NOS1AP: variants seen among roughly 807,000 people sequenced by gnomAD.
NOS1AP encodes the protein carboxyl-terminal PDZ ligand of neuronal nitric oxide synthase protein.
A neutral mutation model predicts 56.2 loss-of-function variants in NOS1AP; 21 were observed. That is an observed-to-expected ratio of 0.37 (90% CI 0.26 to 0.54). The LOEUF (loss-of-function observed/expected upper bound fraction) is 0.54, where lower values mean the gene tolerates loss of function less well. Among genes scored for constraint, NOS1AP ranks in the 20% least tolerant of loss-of-function variants. The pLI is 0.84. For synonymous variants in NOS1AP, 270 were observed against 274.6 expected (o/e 0.98, Z 0.17); for missense variants, 522 against 657.8 (o/e 0.79, Z 2.26).
chr1:162,261,569 G>A lies in NOS1AP; in HGVS notation c.178-25775G>A, dbSNP rs931595733. On this transcript the variant is annotated intron_variant, in intron 2 of 9. Coordinates refer to ENST00000361897, the MANE Select transcript of NOS1AP (RefSeq NM_014697.3). ...GAGCAATGAAATGACTGGAACAGAG[G>A]AAAAGGTGTTAAGATGCTATGTTGC... Among the ~76,000 whole-genome samples, 10 of 133,742 alleles carry A rather than the reference G, an allele frequency of 7.5e-5. 1 individual carries two copies. Among genetic ancestry groups the A allele is most frequent in the African/African-American group, 2.6e-4 (10 of 37,844 alleles). The allele number at this position is 133,742 out of a possible 152,430, so 87.7% of individuals were successfully genotyped here. A position where few individuals can be genotyped will look rare whatever the true frequency, so the allele number is the denominator to read the frequency against.
At position 162,365,073 on chromosome 1, in the gene NOS1AP, T is replaced by TGTGTGCAC. The variant is rs1553210337; in HGVS notation, c.940-331_940-330insGTGTGCAC. 4.5e-6 allele frequency: 5 copies of TGTGTGCAC among 1,100,834 alleles called. No individual in the cohort carries two copies. The African/African-American group carries it at 1.2e-4, about 26-fold the overall frequency. The allele number at this position is 1,100,834 out of a possible 1,614,324, so 68.2% of individuals were successfully genotyped here. ...GGAGCACCGTGCGTGTGTGTGTGTA[T>TGTGTGCAC]ATGTGCACGTGTGTGTGTACGTGTG... is the stretch of plus-strand genomic sequence containing the variant. On this transcript the variant is annotated intron_variant, in intron 8 of 9. Coordinates refer to ENST00000361897, the MANE Select transcript of NOS1AP (RefSeq NM_014697.3).
At chr1:162,136,806 T>G (rs148930234) in intron 1 of NOS1AP, among the ~76,000 whole-genome samples, 1 of 152,338 alleles carries the variant, frequency 6.6e-6, no homozygotes, top group African/African-American at 2.4e-5. Flanking sequence ...TGAAGGGAGT[T>G]GCCTTGGAGC....
intron 2 of NOS1AP, among the ~76,000 whole-genome samples, chr1:162,155,390 T>G (rs551970449): frequency 0.021 from 107 of 5,212 alleles, 1 homozygote; most frequent in Admixed American, 0.031. Context: ...AGCTTATATA[T>G]ATAGAGAGCT....
intron 8 of NOS1AP, chr1:162,364,622 C>G (rs1179770524): frequency 1.0e-6 from 1 of 985,366 alleles, no homozygotes; most frequent in Admixed American, 6.1e-5. Flanking sequence ...GAGGGTGCCA[C>G]AAATTGTTCA....
intron 5 of NOS1AP, among the ~76,000 whole-genome samples, chr1:162,343,307 G>A (rs1194060692): frequency 6.6e-6 from 1 of 152,190 alleles, no homozygotes; most frequent in East Asian, 1.9e-4. Context: ...TGTCACCTTA[G>A]ATTTAGTTGG....
At chr1:162,210,211 A>G (rs1167966820) in intron 2 of NOS1AP, among the ~76,000 whole-genome samples, 1 of 152,128 alleles carries the variant, frequency 6.6e-6, no homozygotes, top group Non-Finnish European at 1.5e-5. Flanking sequence ...AGTGTGGAGT[A>G]GGCTGAGGTG....
intron 6 of NOS1AP, among the ~76,000 whole-genome samples, chr1:162,351,254 T>G (rs1224868165): frequency 6.6e-6 from 1 of 152,262 alleles, no homozygotes; most frequent in Non-Finnish European, 1.5e-5. Context: ...AAGCTGTTAT[T>G]GTTGCAGTTT....
chr1:162,105,595 C>T (rs1647472477), intron 1 of NOS1AP, among the ~76,000 whole-genome samples: 1 of 152,172 alleles, frequency 6.6e-6, no homozygotes, highest in Admixed American at 6.5e-5. Flanking sequence ...TCTGTAGAAC[C>T]CTTGCTGGAG....
chr1:162,122,345 C>T (rs1220967771), intron 1 of NOS1AP, among the ~76,000 whole-genome samples: 1 of 152,118 alleles, frequency 6.6e-6, no homozygotes, highest in Non-Finnish European at 1.5e-5. Flanking sequence ...ATGACTAAAT[C>T]TGAAATTGAA....
At chr1:162,126,017 T>G (rs1648473142) in intron 1 of NOS1AP, among the ~76,000 whole-genome samples, 1 of 152,152 alleles carries the variant, frequency 6.6e-6, no homozygotes, top group South Asian at 2.1e-4. Context: ...TTCTAGATAT[T>G]TATTTTATTT....
At chr1:162,187,873 C>T (rs1571111406) in intron 2 of NOS1AP, among the ~76,000 whole-genome samples, 2 of 152,146 alleles carry the variant, frequency 1.3e-5, no homozygotes, top group African/African-American at 4.8e-5. Flanking sequence ...ATGTGCTGGG[C>T]AGATGCCAGA....
intron 6 of NOS1AP, among the ~76,000 whole-genome samples, chr1:162,354,951 T>A (rs549974125): frequency 6.0e-4 from 91 of 152,360 alleles, no homozygotes; most frequent in African/African-American, 2.2e-3. Context: ...AACTTTTACA[T>A]CCAGGCTTGA....
chr1:162,355,473 C>A, intron 7 of NOS1AP, 120 bp downstream of exon 7: 1 of 1,231,504 alleles, frequency 8.1e-7, no homozygotes, highest in Non-Finnish European at 1.2e-6. Flanking sequence ...AGTGGCGGTG[C>A]CAGAGCGCAC....
intron 2 of NOS1AP, among the ~76,000 whole-genome samples, chr1:162,164,004 A>G (rs1650355665): frequency 6.6e-6 from 1 of 152,224 alleles, no homozygotes; most frequent in Admixed American, 6.5e-5. Context: ...AAGAGTTAGT[A>G]AGAGCCAGGA....
At chr1:162,333,748 C>T (rs1354042392) in intron 5 of NOS1AP, among the ~76,000 whole-genome samples, 2 of 152,092 alleles carry the variant, frequency 1.3e-5, no homozygotes, top group South Asian at 2.1e-4. Context: ...TGAAAAGAAT[C>T]GTCAAAATCA....
intron 2 of NOS1AP, among the ~76,000 whole-genome samples, chr1:162,183,556 GT>G (rs1056859629): frequency 1.3e-5 from 2 of 152,190 alleles, no homozygotes; most frequent in African/African-American, 2.4e-5. Flanking sequence ...AAAATCTGTT[GT>G]TTAGTGTAGC....
intron 3 of NOS1AP, among the ~76,000 whole-genome samples, chr1:162,288,462 T>C (rs1467351913): frequency 6.6e-6 from 1 of 152,156 alleles, no homozygotes; most frequent in Non-Finnish European, 1.5e-5. Flanking sequence ...GTAGGCAACA[T>C]AAATTTGAAG....
At chr1:162,149,884 A>G (rs1649639087) in intron 1 of NOS1AP, among the ~76,000 whole-genome samples, 1 of 152,246 alleles carries the variant, frequency 6.6e-6, no homozygotes, top group Non-Finnish European at 1.5e-5. Flanking sequence ...ATGGGGGCAC[A>G]TGAGATATTT....
intron 2 of NOS1AP, among the ~76,000 whole-genome samples, chr1:162,237,600 A>G (rs1026627108): frequency 2.0e-5 from 3 of 152,254 alleles, no homozygotes; most frequent in African/African-American, 7.2e-5. Flanking sequence ...TACCTCTGCC[A>G]GAAATTAACA....
Sources: allele counts gnomAD v4.1 joint callset (sites outside exome capture counted in the v4.1 genomes callset), GRCh38; gene constraint gnomAD v4.1.1; transcripts MANE v1.5; gene names NCBI Gene and HGNC (gene_info 2026-07-23, HGNC 2026-07-21).